The following STARD13 variants were observed in gnomAD, a reference collection of about 807,000 sequenced individuals.
STARD13 encodes StAR related lipid transfer domain containing 13.
STARD13 carries 62 observed loss-of-function variants against 106.4 expected under a neutral mutation model. The observed-to-expected ratio is 0.58, with a 90% confidence interval of 0.48 to 0.72. The LOEUF is 0.72. STARD13 is among the 30% of genes least tolerant of loss of function. The pLI, the probability that STARD13 is intolerant of heterozygous loss-of-function variation, is 0.00. For synonymous variants in STARD13, 565 were observed against 553.0 expected, an observed-to-expected ratio of 1.02 and a Z score of -0.31; for missense variants, 1,387 against 1,424.0, an observed-to-expected ratio of 0.97 and a Z score of 0.42.
At chr13:33,345,131 C>T (rs965618870), downstream of STARD13, among the ~76,000 whole-genome samples, 7 of 152,198 alleles carry the variant, frequency 4.6e-5, no homozygotes, top group African/African-American at 1.7e-4. Context: ...ACAACAGCAT[C>T]TCATTCTTGT....
the STARD13 span, among the ~76,000 whole-genome samples, chr13:33,551,568 C>CTTTTTTTTTTTTTTTTTTTTT: frequency 1.7e-3 from 76 of 44,794 alleles, 37 homozygotes; most frequent in East Asian, 3.5e-3. Flanking sequence ...TTTGCTTTTC[C>CTTTTTTTTTTTTTTTTTTTTT]CTTTTTTTTT....
the STARD13 span, among the ~76,000 whole-genome samples, chr13:33,358,135 C>A: frequency 1.3e-5 from 2 of 152,232 alleles, no homozygotes; most frequent in South Asian, 4.1e-4. Context: ...CCAGTGGCTG[C>A]GGAGGGTGTA....
chr13:33,597,024 T>C, the STARD13 span, among the ~76,000 whole-genome samples: 1 of 152,246 alleles, frequency 6.6e-6, no homozygotes, highest in Non-Finnish European at 1.5e-5. Context: ...GTTGATATAC[T>C]GATTTCCTTT....
chr13:33,129,539 C>T lies in STARD13; in HGVS notation c.1138G>A (p.Asp380Asn), dbSNP rs1877875141. 1 of 1,614,064 alleles carries T rather than the reference C, an allele frequency of 6.2e-7. No individual in the cohort carries two copies. Residue 380 changes from aspartate to asparagine, a missense_variant, in exon 5 of 14, where the codon GAC becomes AAC. Asp to Asn is a conservative substitution (Grantham distance 23). Transcript: ENST00000336934. ...LAGTALPDAG[D>N]QSRMHEFHSQ... ...TGAAATTCATGCATACGGCTTTGGT[C>T]CCCTGCATCCGGCAGTGCTGTCCCC... is the stretch of plus-strand genomic sequence containing the variant.
the STARD13 span, among the ~76,000 whole-genome samples, chr13:33,621,680 CAAA>C: frequency 1.3e-4 from 11 of 82,284 alleles, no homozygotes; most frequent in Non-Finnish European, 1.8e-4. Context: ...ACTCAGTCTC[CAAA>C]AAAAAAAAAA....
the STARD13 span, among the ~76,000 whole-genome samples, chr13:33,535,156 A>G: frequency 6.6e-6 from 1 of 152,190 alleles, no homozygotes; most frequent in Admixed American, 6.5e-5. Context: ...CAGAGGCTGC[A>G]GTGAGCCGAG....
chr13:33,620,601 A>G, the STARD13 span, among the ~76,000 whole-genome samples: 1 of 152,028 alleles, frequency 6.6e-6, no homozygotes, highest in East Asian at 1.9e-4. Context: ...CATTCTTTTC[A>G]AGTACACATG....
chr13:33,452,143 A>C, the STARD13 span, among the ~76,000 whole-genome samples: 3 of 152,170 alleles, frequency 2.0e-5, no homozygotes, highest in Admixed American at 2.0e-4. Flanking sequence ...ACACAGGTGC[A>C]AATACAAGGG....
At chr13:33,551,615 T>TTTTTTTTTTTTTTTTTTG in the STARD13 span, among the ~76,000 whole-genome samples, 1 of 115,926 alleles carries the variant, frequency 8.6e-6, no homozygotes. Context: ...TTTTTTTTTT[T>TTTTTTTTTTTTTTTTTTG]TGAGTTGGAG....
intron 1 of STARD13, among the ~76,000 whole-genome samples, chr13:33,199,652 A>G (rs1188480584): frequency 6.6e-6 from 1 of 152,234 alleles, no homozygotes; most frequent in African/African-American, 2.4e-5. Flanking sequence ...AACAGCTTTT[A>G]TTGAAACTGA....
intron 1 of STARD13, chr13:33,205,943 A>G (rs2138117069): frequency 1.0e-6 from 1 of 985,270 alleles, no homozygotes; most frequent in African/African-American, 1.7e-5. Context: ...TCTGTCACCG[A>G]GTGTTTTCTC....
intron 1 of STARD13, among the ~76,000 whole-genome samples, chr13:33,266,298 T>A (rs966048091): frequency 6.6e-6 from 1 of 152,258 alleles, no homozygotes; most frequent in Non-Finnish European, 1.5e-5. Flanking sequence ...ATTGATCATG[T>A]TTAGGCAGGG....
At chr13:33,358,099 G>A in the STARD13 span, among the ~76,000 whole-genome samples, 17 of 151,744 alleles carry the variant, frequency 1.1e-4, no homozygotes, top group South Asian at 3.3e-3. Flanking sequence ...TGCTGGCCCC[G>A]GGCAATGAGG....
rs7320932 is a variant in STARD13 at position 33,183,876 on chromosome 13, C to T, written c.170-16254G>A. On this transcript the variant is annotated intron_variant, in intron 1 of 13. Coordinates refer to ENST00000336934, the MANE Select transcript of STARD13 (RefSeq NM_178006.4). ...TCACACCTCCAAGGGAATCATCCAG[C>T]CAGTCCAAGAAGGCATTCCTGGGGA... Among the ~76,000 whole-genome samples the T allele has an allele frequency of 5.3e-3, 801 of 152,300 alleles. 6 individuals are homozygous for T. The highest frequency in any genetic ancestry group is 0.018 in the African/African-American group (738 of 41,566).
the STARD13 span, among the ~76,000 whole-genome samples, chr13:33,635,117 C>A: frequency 2.6e-5 from 4 of 152,176 alleles, no homozygotes; most frequent in African/African-American, 9.7e-5. Context: ...CCAGTTCTTG[C>A]CTTCGCTTTA....
At chr13:33,537,127 A>G in the STARD13 span, among the ~76,000 whole-genome samples, 1 of 152,252 alleles carries the variant, frequency 6.6e-6, no homozygotes, top group African/African-American at 2.4e-5. Flanking sequence ...AACTTCCAGA[A>G]CAGTTCTGAG....
chr13:33,408,553 A>G, the STARD13 span, among the ~76,000 whole-genome samples: 23,126 of 152,024 alleles, frequency 0.15, 4,228 homozygotes, highest in African/African-American at 0.43. Flanking sequence ...TCATTTGTCT[A>G]TGGGTGGATG....
At chr13:33,512,392 A>G in the STARD13 span, among the ~76,000 whole-genome samples, 4 of 152,202 alleles carry the variant, frequency 2.6e-5, no homozygotes, top group African/African-American at 9.7e-5. Flanking sequence ...AGCTTTCAAG[A>G]TTAAGAGTCT....
chr13:33,673,929 C>T, the STARD13 span, among the ~76,000 whole-genome samples: 3 of 149,340 alleles, frequency 2.0e-5, no homozygotes, highest in African/African-American at 7.4e-5. Flanking sequence ...GGTGCGATCT[C>T]GGCTCATGGC....
Sources: gnomAD v4.1 joint callset for allele counts (sites outside exome capture counted in the v4.1 genomes callset) on GRCh38, gnomAD v4.1.1 for gene constraint, MANE v1.5 for transcripts, NCBI Gene and HGNC (gene_info 2026-07-23, HGNC 2026-07-21) for gene names.